JARID2: variants seen among roughly 807,000 people sequenced by gnomAD.
JARID2 encodes protein Jumonji.
Under a neutral mutation model 125.6 loss-of-function variants are expected in JARID2, and 21 were observed. The ratio of observed to expected loss-of-function variants is 0.17; its 90% CI spans 0.12 to 0.24. The LOEUF is 0.24. Among genes scored for constraint, JARID2 ranks in the 10% least tolerant of loss-of-function variants. The pLI is 1.00. For missense variants in JARID2, 1,303 were observed against 1,639.6 expected, an observed-to-expected ratio of 0.79 and a Z score of 3.55; for synonymous variants, 736 against 661.6, an observed-to-expected ratio of 1.11 and a Z score of -1.73.
At chr6:15,329,207 T>A (rs1048590089) in intron 1 of JARID2, among the ~76,000 whole-genome samples, 2 of 150,806 alleles carry the variant, frequency 1.3e-5, no homozygotes, top group Non-Finnish European at 3.0e-5. Flanking sequence ...ATTATTTTGG[T>A]ATCACCCCAA....
At chr6:15,454,801 C>CTG (rs368100252) in intron 4 of JARID2, among the ~76,000 whole-genome samples, 1 of 152,142 alleles carries the variant, frequency 6.6e-6, no homozygotes, top group East Asian at 1.9e-4. Context: ...TAGATTTTGG[C>CTG]TGAAAGATTC....
chr6:15,469,307 T>C (rs1184957394), intron 5 of JARID2, among the ~76,000 whole-genome samples: 9 of 79,968 alleles, frequency 1.1e-4, no homozygotes, highest in Non-Finnish European at 2.8e-4. Flanking sequence ...TGTCTCTGTC[T>C]CTCTCTCTCT....
intron 1 of JARID2, among the ~76,000 whole-genome samples, chr6:15,312,531 T>G (rs950452212): frequency 6.6e-6 from 1 of 152,224 alleles, no homozygotes; most frequent in Admixed American, 6.5e-5. Context: ...TGTGCCCCCA[T>G]GCCAGCGCCG....
intron 2 of JARID2, among the ~76,000 whole-genome samples, chr6:15,407,603 C>A (rs916655205): frequency 6.6e-6 from 1 of 152,282 alleles, no homozygotes; most frequent in South Asian, 2.1e-4. Flanking sequence ...TTATTTAGTT[C>A]GTTTTTTATA....
At chr6:15,497,808 C>T (rs1374201649) in intron 7 of JARID2, among the ~76,000 whole-genome samples, 2 of 152,160 alleles carry the variant, frequency 1.3e-5, no homozygotes, top group Non-Finnish European at 2.9e-5. Context: ...CTGGATTCCA[C>T]ACTGGATTAT....
At chr6:15,504,414 C>T in intron 8 of JARID2, 86 bp from the exon 9 acceptor site, 1 of 939,032 alleles carries the variant, frequency 1.1e-6, no homozygotes, top group Middle Eastern at 2.1e-4. Flanking sequence ...CGCCAAGGGG[C>T]AGCGGCCCAT....
chr6:15,254,782 G>A (rs1344901488), intron 1 of JARID2, among the ~76,000 whole-genome samples: 1 of 152,052 alleles, frequency 6.6e-6, no homozygotes, highest in African/African-American at 2.4e-5. Flanking sequence ...GCTCATGCCC[G>A]TAATCCCAGC....
chr6:15,518,568 G>A (rs573293749), intron 17 of JARID2, among the ~76,000 whole-genome samples: 3 of 152,068 alleles, frequency 2.0e-5, no homozygotes, highest in Non-Finnish European at 2.9e-5. Context: ...TGCAAGCTCC[G>A]CCTCCCAGGT....
At chr6:15,359,251 G>T (rs938850554) in intron 1 of JARID2, among the ~76,000 whole-genome samples, 2 of 152,164 alleles carry the variant, frequency 1.3e-5, no homozygotes, top group African/African-American at 4.8e-5. Context: ...ATGATTTTCT[G>T]CAGTCTCCCT....
At chr6:15,404,543 A>T (rs1383753634) in intron 2 of JARID2, among the ~76,000 whole-genome samples, 1 of 149,976 alleles carries the variant, frequency 6.7e-6, no homozygotes, top group East Asian at 2.0e-4. Flanking sequence ...ACACACACAC[A>T]CACACACACA....
At chr6:15,324,055 G>A (rs555457381) in intron 1 of JARID2, among the ~76,000 whole-genome samples, 26 of 151,908 alleles carry the variant, frequency 1.7e-4, no homozygotes, top group East Asian at 1.2e-3. Flanking sequence ...GGTGGCGGGC[G>A]CCTGTAGTCC....
At chr6:15,308,063 C>T (rs1761896886) in intron 1 of JARID2, among the ~76,000 whole-genome samples, 1 of 152,164 alleles carries the variant, frequency 6.6e-6, no homozygotes, top group African/African-American at 2.4e-5. Flanking sequence ...GTTCTTCCTC[C>T]TTAAATTTTT....
chr6:15,479,268 G>A (rs1561891683), intron 5 of JARID2, among the ~76,000 whole-genome samples: 1 of 152,208 alleles, frequency 6.6e-6, no homozygotes, highest in African/African-American at 2.4e-5. Context: ...GGCCAAGAGG[G>A]CCAAGAAGCC....
chr6:15,413,996 T>C (rs1461793069), intron 3 of JARID2, among the ~76,000 whole-genome samples: 1 of 152,210 alleles, frequency 6.6e-6, no homozygotes, highest in Non-Finnish European at 1.5e-5. Context: ...TCACTTTATT[T>C]TTTAGAATGA....
chr6:15,422,381 T>G (rs941838103), intron 3 of JARID2, among the ~76,000 whole-genome samples: 12 of 152,204 alleles, frequency 7.9e-5, no homozygotes, highest in African/African-American at 1.2e-4. Flanking sequence ...GAAGTTTGTA[T>G]TTCACGCACT....
At chr6:15,258,781 C>G (rs1759764414) in intron 1 of JARID2, among the ~76,000 whole-genome samples, 1 of 152,064 alleles carries the variant, frequency 6.6e-6, no homozygotes, top group South Asian at 2.1e-4. Context: ...GATCCTGTCT[C>G]AAAACAAAAC....
chr6:15,501,159 G>A lies in JARID2; in HGVS notation c.2198G>A (p.Arg733His), dbSNP rs200766229. 16 of 1,614,106 alleles carry A rather than the reference G, an allele frequency of 9.9e-6. No homozygotes were observed. The highest frequency in any genetic ancestry group is 1.3e-5 in the African/African-American group (1 of 75,058). ...VLMEKEILEK[R>H]KGPLEGHTEN... is the part of the protein sequence containing the mutation. ...ATGGAGAAGGAGATCCTGGAGAAGC[G>A]CAAGGGGCCGCTGGAAGGCCACACA... Residue 733 changes from arginine to histidine, a missense_variant, in exon 8 of 18, where the codon CGC (arginine) becomes CAC (histidine). By Grantham distance (29) the Arg-to-His change is conservative (BLOSUM62 0). Transcript: ENST00000341776.
intron 1 of JARID2, among the ~76,000 whole-genome samples, chr6:15,270,799 AT>A (rs1340787198): frequency 1.3e-5 from 2 of 151,944 alleles, no homozygotes; most frequent in African/African-American, 4.8e-5. Flanking sequence ...AATAGAAAAA[AT>A]TATGGTGGTG....
intron 2 of JARID2, among the ~76,000 whole-genome samples, chr6:15,398,571 G>A (rs1765301906): frequency 6.6e-6 from 1 of 152,188 alleles, no homozygotes; most frequent in Non-Finnish European, 1.5e-5. Flanking sequence ...ACAACGGAGA[G>A]TTTTGTTAAG....
Sources: allele counts gnomAD v4.1 joint callset (sites outside exome capture counted in the v4.1 genomes callset), GRCh38; gene constraint gnomAD v4.1.1; transcripts MANE v1.5; gene names NCBI Gene and HGNC (gene_info 2026-07-23, HGNC 2026-07-21).